Variants in FAT3 observed in about 807,000 individuals in gnomAD.
FAT3 encodes the protein FAT atypical cadherin 3.
FAT3 carries 95 observed loss-of-function variants against 310.2 expected under a neutral mutation model. That is an observed-to-expected ratio of 0.31 (90% CI 0.26 to 0.36). The LOEUF is 0.36. FAT3 is among the 10% of genes least tolerant of loss of function. The probability of loss-of-function intolerance (pLI) is 1.00; values close to 1 mark genes in which losing one functional copy is unlikely to be tolerated. For missense variants in FAT3, 5,408 were observed against 5,715.6 expected (o/e 0.95, Z 1.74); for synonymous variants, 2,314 against 2,192.9 (o/e 1.06, Z -1.54).
chr11:92,350,074 G>C (rs961747758), intron 1 of FAT3, among the ~76,000 whole-genome samples: 1 of 151,664 alleles, frequency 6.6e-6, no homozygotes, highest in Non-Finnish European at 1.5e-5. Flanking sequence ...ATTAAATTTA[G>C]ACAGTTTCCA....
chr11:92,852,908 C>A (rs1403505843), intron 19 of FAT3, among the ~76,000 whole-genome samples: 2 of 152,178 alleles, frequency 1.3e-5, no homozygotes, highest in Admixed American at 1.3e-4. Flanking sequence ...GTGCTTTAAT[C>A]TAAAACAGGA....
At chr11:92,506,682 A>T (rs778259225) in intron 2 of FAT3, among the ~76,000 whole-genome samples, 12 of 152,154 alleles carry the variant, frequency 7.9e-5, no homozygotes, top group African/African-American at 1.2e-4. Flanking sequence ...GCTTCACATT[A>T]TGAGCAGTGC....
chr11:92,794,663 CAG>C (rs1177117517), intron 9 of FAT3, among the ~76,000 whole-genome samples: 3 of 152,098 alleles, frequency 2.0e-5, no homozygotes, highest in African/African-American at 7.2e-5. Context: ...TAAAACAAGA[CAG>C]AACAGTTATT....
At chr11:92,450,040 C>G (rs575122615) in intron 2 of FAT3, among the ~76,000 whole-genome samples, 9 of 152,256 alleles carry the variant, frequency 5.9e-5, no homozygotes, top group Admixed American at 1.3e-4. Flanking sequence ...TTTCCCCATG[C>G]CTTGTCTTGT....
chr11:92,313,972 G>A (rs577213898), intron 1 of FAT3, among the ~76,000 whole-genome samples: 2 of 152,308 alleles, frequency 1.3e-5, no homozygotes, highest in African/African-American at 4.8e-5. Flanking sequence ...TATGGATTTT[G>A]ATATGATAAA....
At chr11:92,654,457 C>G (rs955735932) in intron 3 of FAT3, among the ~76,000 whole-genome samples, 3 of 152,194 alleles carry the variant, frequency 2.0e-5, no homozygotes, top group Non-Finnish European at 4.4e-5. Context: ...ATTACCAAAA[C>G]CTGCTGCTTC....
Position 92,883,307 on chromosome 11 carries a change from G to A in FAT3, c.12851G>A (p.Ser4284Asn), listed in dbSNP as rs574660610. The change falls in exon 24 of 28, where the codon AGT becomes AAT. Residue 4284 changes from serine (S) to asparagine (N), a missense_variant. Coordinates refer to ENST00000525166, the MANE Select transcript of FAT3 (RefSeq NM_001367949.2). This position sits in a 1 kb window ranked among gnomAD's most constrained non-coding sequence, Gnocchi z 4.2. The stretch of plus-strand genomic sequence containing the variant: ...GCCCGGCGGGGCGTGGTCGTGTGCA[G>A]TGTGGCCCCCAACCTCCCCGCCGTG... ...LTARRGVVVC[S>N]VAPNLPAVSP... 1.4e-5 allele frequency: 22 copies of A among 1,612,272 alleles called. No homozygotes were observed. The highest frequency in any genetic ancestry group is 1.8e-5 in the Non-Finnish European group (21 of 1,179,752).
At chr11:92,509,441 G>A (rs1174935689) in intron 2 of FAT3, among the ~76,000 whole-genome samples, 1 of 152,126 alleles carries the variant, frequency 6.6e-6, no homozygotes, top group Admixed American at 6.6e-5. Flanking sequence ...ATTTTAAAAT[G>A]ACCTAATAAG....
intron 2 of FAT3, among the ~76,000 whole-genome samples, chr11:92,385,583 G>T (rs1253533581): frequency 1.3e-5 from 2 of 151,972 alleles, no homozygotes; most frequent in African/African-American, 4.8e-5. Flanking sequence ...TGCCAGGCTG[G>T]TCTTGAACTC....
At chr11:92,572,664 A>C (rs764957320) in intron 3 of FAT3, among the ~76,000 whole-genome samples, 2 of 152,214 alleles carry the variant, frequency 1.3e-5, no homozygotes, top group Non-Finnish European at 2.9e-5. Context: ...GACTGTGTAC[A>C]TTGAGGTGCT....
At chr11:92,866,592 T>G in intron 21 of FAT3, 149 bp from the exon 22 acceptor site, 2 of 701,922 alleles carry the variant, frequency 2.8e-6, no homozygotes, top group Non-Finnish European at 4.6e-6. Context: ...TGGTTAAAAA[T>G]CAAACCACAA....
At chr11:92,728,419 C>CA (rs747853270) in intron 4 of FAT3, among the ~76,000 whole-genome samples, 1 of 152,094 alleles carries the variant, frequency 6.6e-6, no homozygotes, top group Non-Finnish European at 1.5e-5. Context: ...CACTAAGAGA[C>CA]AAAAATGTTT....
intron 2 of FAT3, among the ~76,000 whole-genome samples, chr11:92,412,402 A>ATTTTTTT (rs780298367): frequency 0.49 from 49,127 of 100,348 alleles, 15,232 homozygotes; most frequent in Non-Finnish European, 0.66. Flanking sequence ...GACCCGGCCT[A>ATTTTTTT]TTTTTTTTTT....
intron 2 of FAT3, among the ~76,000 whole-genome samples, chr11:92,439,363 G>C (rs1453713836): frequency 1.3e-5 from 2 of 152,110 alleles, no homozygotes; most frequent in Non-Finnish European, 1.5e-5. Flanking sequence ...ATGAAAGCCA[G>C]AACTCTCCCT....
At chr11:92,885,825 G>T (rs1001648743) in intron 24 of FAT3, among the ~76,000 whole-genome samples, 1 of 152,144 alleles carries the variant, frequency 6.6e-6, no homozygotes, top group Admixed American at 6.5e-5. Flanking sequence ...GAAGCTCATC[G>T]TCATATTTTC....
chr11:92,820,833 A>T (rs1947947445), intron 13 of FAT3, among the ~76,000 whole-genome samples: 1 of 152,236 alleles, frequency 6.6e-6, no homozygotes, highest in Non-Finnish European at 1.5e-5. Flanking sequence ...GAGAACTAGT[A>T]TACTAATGCA....
At chr11:92,783,053 CTTGGCAGTGAAAAA>C (rs1327356468) in intron 7 of FAT3, among the ~76,000 whole-genome samples, 1 of 152,152 alleles carries the variant, frequency 6.6e-6, no homozygotes, top group East Asian at 1.9e-4. Context: ...TCATCTGCCT[CTTGGCAGTGAAAAA>C]GGCAGTGGCT....
intron 13 of FAT3, among the ~76,000 whole-genome samples, chr11:92,823,409 A>T (rs1297929435): frequency 6.6e-6 from 1 of 152,208 alleles, no homozygotes; most frequent in East Asian, 1.9e-4. Flanking sequence ...CACAGAAGGT[A>T]TAACTATAGT....
intron 7 of FAT3, among the ~76,000 whole-genome samples, chr11:92,782,780 C>G (rs1946786703): frequency 6.6e-6 from 1 of 152,114 alleles, no homozygotes; most frequent in Non-Finnish European, 1.5e-5. Flanking sequence ...TTAGTCTTGA[C>G]CTTCAATGCT....
Sources: gnomAD v4.1 joint callset for allele counts (sites outside exome capture counted in the v4.1 genomes callset) on GRCh38, gnomAD v4.1.1 for gene constraint, Gnocchi (gnomAD v3.1) non-coding constraint, MANE v1.5 for transcripts, NCBI Gene and HGNC (gene_info 2026-07-23, HGNC 2026-07-21) for gene names.